The following TSHR variants were observed in gnomAD, a reference collection of about 807,000 sequenced individuals.
TSHR encodes the protein thyrotropin receptor.
TSHR carries 51 observed loss-of-function variants against 64.1 expected under a neutral mutation model. That is an observed-to-expected ratio of 0.80 (90% CI 0.64 to 1.01). The LOEUF (loss-of-function observed/expected upper bound fraction) is 1.01, where lower values mean the gene tolerates loss of function less well. Ranked by LOEUF, TSHR falls within the 50% of genes least tolerant of loss-of-function variation. The pLI is 0.00. For missense variants in TSHR, 877 were observed against 942.8 expected, an observed-to-expected ratio of 0.93 and a Z score of 0.91; for synonymous variants, 361 against 361.9, an observed-to-expected ratio of 1.00 and a Z score of 0.03.
intron 1 of TSHR, chr14:81,053,178 AG>A (rs1159909800): frequency 6.6e-6 from 1 of 152,158 alleles, no homozygotes; most frequent in South Asian, 2.1e-4. Flanking sequence ...ATTTAGTCCA[AG>A]TCTGAAAGCA....
intron 3 of TSHR, among the ~76,000 whole-genome samples, chr14:81,085,702 G>A (rs374537333): frequency 4.6e-5 from 7 of 152,236 alleles, no homozygotes; most frequent in East Asian, 3.9e-4. Flanking sequence ...CTCGTTCAAC[G>A]ACAGTCTCTT....
intron 8 of TSHR, among the ~76,000 whole-genome samples, chr14:81,119,051 G>C (rs1402290799): frequency 7.3e-6 from 1 of 137,798 alleles, no homozygotes; most frequent in Non-Finnish European, 1.5e-5. Context: ...AGACTTAAAC[G>C]TTAGACCTAA....
intron 1 of TSHR, among the ~76,000 whole-genome samples, chr14:80,976,147 G>A (rs887059406): frequency 6.6e-5 from 10 of 152,250 alleles, no homozygotes; most frequent in East Asian, 3.9e-4. Flanking sequence ...TCCTGACCTC[G>A]TGATCCGCCC....
chr14:81,101,311 A>T (rs1889565313), intron 7 of TSHR, among the ~76,000 whole-genome samples: 1 of 152,170 alleles, frequency 6.6e-6, no homozygotes. Context: ...GGCCTTCTGA[A>T]ATTAACCCTA....
At position 81,143,425 on chromosome 14, in the gene TSHR, T is replaced by C; in HGVS notation, c.1367T>C (p.Leu456Pro). ...LNVPRFLMCN[L>P]AFADFCMGMY... ...GTCCCCCGCTTTCTCATGTGCAACCTGGCCTTTGCGGATTTCTGCATGGGG... is the reference window on the plus strand; with the variant it reads ...GTCCCCCGCTTTCTCATGTGCAACCCGGCCTTTGCGGATTTCTGCATGGGG... The change falls in exon 10 of 10, where the codon CTG becomes CCG. Residue 456 changes from leucine (L) to proline (P), a missense_variant. Transcript: ENST00000298171. 6.2e-7 allele frequency: 1 copy of C among 1,614,216 alleles called. No individual in the cohort carries two copies. Among genetic ancestry groups the C allele is most frequent in the Non-Finnish European group, 8.5e-7 (1 of 1,180,036 alleles).
At chr14:81,075,141 C>T (rs1191565327) in intron 3 of TSHR, among the ~76,000 whole-genome samples, 1 of 152,174 alleles carries the variant, frequency 6.6e-6, no homozygotes, top group Non-Finnish European at 1.5e-5. Flanking sequence ...CACAGGCGAC[C>T]AATTGTTCAA....
At chr14:81,041,380 A>G (rs4903968) in intron 1 of TSHR, among the ~76,000 whole-genome samples, 125,791 of 152,128 alleles carry the variant, frequency 0.83, 52,526 homozygotes, top group African/African-American at 0.92. Context: ...GACATGGATG[A>G]AGCTAGGGGC....
At chr14:80,993,940 T>A (rs1471578399) in intron 1 of TSHR, 1 of 152,116 alleles carries the variant, frequency 6.6e-6, no homozygotes, top group Non-Finnish European at 1.5e-5. Context: ...ATATGAGGAT[T>A]TTTTTTCAAT....
At chr14:81,011,411 G>T (rs1471454325) in intron 1 of TSHR, among the ~76,000 whole-genome samples, 1 of 151,882 alleles carries the variant, frequency 6.6e-6, no homozygotes, top group Non-Finnish European at 1.5e-5. Context: ...ATATTTTTTG[G>T]ATACATCAGT....
intron 1 of TSHR, chr14:80,983,489 G>A (rs1352548490): frequency 1.0e-5 from 14 of 1,356,624 alleles, no homozygotes; most frequent in Non-Finnish European, 1.5e-5. Flanking sequence ...ACCATAAAGA[G>A]GCAAAAGCCA....
intron 1 of TSHR, among the ~76,000 whole-genome samples, chr14:80,956,914 CA>C (rs1594885920): frequency 6.6e-6 from 1 of 152,146 alleles, no homozygotes; most frequent in Non-Finnish European, 1.5e-5. Context: ...ATGCTGCCAC[CA>C]CAGAATAAGA....
intron 8 of TSHR, among the ~76,000 whole-genome samples, chr14:81,117,499 T>C (rs889744191): frequency 1.5e-5 from 2 of 129,566 alleles, no homozygotes; most frequent in Non-Finnish European, 1.6e-5. Context: ...GTTGAATCTC[T>C]GAATAGACCA....
chr14:81,032,664 G>A (rs946082981), intron 1 of TSHR: 6 of 422,794 alleles, frequency 1.4e-5, no homozygotes, highest in Middle Eastern at 3.7e-4. Flanking sequence ...AGTTGTCGAA[G>A]GCATAATCTC....
At chr14:81,012,833 G>T (rs1889993064) in intron 1 of TSHR, 1 of 150,948 alleles carries the variant, frequency 6.6e-6, no homozygotes, top group African/African-American at 2.4e-5. Flanking sequence ...TGTAGATTCT[G>T]GATATTAGCC....
chr14:81,139,733 G>A lies in TSHR; in HGVS notation c.747G>A (p.Leu249=), dbSNP rs1025771537. 1 of 1,614,196 alleles carries A rather than the reference G, an allele frequency of 6.2e-7. No individual in the cohort carries two copies. The change falls in exon 9 of 10, where the codon CTG becomes CTA. Residue 249 remains leucine, a synonymous_variant. Coordinates refer to ENST00000298171, the MANE Select transcript of TSHR (RefSeq NM_000369.5). The part of the protein sequence containing the change: ...TALPSKGLEH[L]KELIARNTWT... ...TTCCATCCAAAGGCCTGGAGCACCT[G>A]AAGGAACTGATAGCAAGAAACACCT...
chr14:81,112,459 G>T (rs1890265570), intron 8 of TSHR, among the ~76,000 whole-genome samples: 1 of 152,018 alleles, frequency 6.6e-6, no homozygotes, highest in Admixed American at 6.6e-5. Flanking sequence ...TAAATCATCT[G>T]CTCACAAGTA....
chr14:80,998,071 T>C (rs565587708), intron 1 of TSHR, among the ~76,000 whole-genome samples: 2 of 152,318 alleles, frequency 1.3e-5, no homozygotes, highest in East Asian at 1.9e-4. Context: ...CCATTTGATA[T>C]AGTTAATAAC....
chr14:81,092,678 A>C (rs1595096337), intron 6 of TSHR, 70 bp downstream of exon 6: 2 of 1,421,328 alleles, frequency 1.4e-6, no homozygotes, highest in Non-Finnish European at 2.0e-6. Flanking sequence ...ATGTTTACAG[A>C]CCATCCAAGA....
intron 2 of TSHR, among the ~76,000 whole-genome samples, chr14:81,064,983 G>C (rs1886507142): frequency 6.6e-6 from 1 of 152,276 alleles, no homozygotes; most frequent in East Asian, 1.9e-4. Context: ...CCTTAGTTCA[G>C]CTAAAAGCCA....
Sources: allele counts gnomAD v4.1 joint callset (sites outside exome capture counted in the v4.1 genomes callset), GRCh38; gene constraint gnomAD v4.1.1; transcripts MANE v1.5; gene names NCBI Gene and HGNC (gene_info 2026-07-23, HGNC 2026-07-21).